ADCY5: variants seen among roughly 807,000 people sequenced by gnomAD.
The protein encoded by ADCY5 is adenylate cyclase 5.
A neutral mutation model predicts 119.7 loss-of-function variants in ADCY5; 30 were observed. That is an observed-to-expected ratio of 0.25 (90% CI 0.19 to 0.34). ADCY5 has a LOEUF of 0.34. Ranked by LOEUF, ADCY5 falls within the 10% of genes least tolerant of loss-of-function variation. The pLI is 1.00. For synonymous variants in ADCY5, 753 were observed against 762.2 expected, an observed-to-expected ratio of 0.99 and a Z score of 0.20; for missense variants, 1,324 against 1,775.2, an observed-to-expected ratio of 0.75 and a Z score of 4.57.
chr3:123,315,799 G>T (rs1203310407), intron 11 of ADCY5, among the ~76,000 whole-genome samples: 1 of 152,150 alleles, frequency 6.6e-6, no homozygotes, highest in Admixed American at 6.5e-5. Flanking sequence ...TGGCCAGGCT[G>T]GTCTTGAACT....
intron 1 of ADCY5, among the ~76,000 whole-genome samples, chr3:123,396,569 G>T: frequency 9.2e-6 from 1 of 108,620 alleles, no homozygotes; most frequent in Non-Finnish European, 1.8e-5. Flanking sequence ...AGAAAGAAAG[G>T]AAGAAAAAGA....
At chr3:123,399,703 T>A (rs1224781466) in intron 1 of ADCY5, among the ~76,000 whole-genome samples, 4 of 152,232 alleles carry the variant, frequency 2.6e-5, no homozygotes, top group African/African-American at 9.6e-5. Flanking sequence ...AACAAACTGG[T>A]ATTACCAGTT....
chr3:123,363,318 T>C (rs1014373635), intron 1 of ADCY5, among the ~76,000 whole-genome samples: 1 of 152,150 alleles, frequency 6.6e-6, no homozygotes, highest in Non-Finnish European at 1.5e-5. Flanking sequence ...CCTATTTAAA[T>C]AGCAAAGCTT....
At chr3:123,444,362 AG>A (rs1223693910) in intron 1 of ADCY5, among the ~76,000 whole-genome samples, 1 of 152,190 alleles carries the variant, frequency 6.6e-6, no homozygotes, top group Non-Finnish European at 1.5e-5. Flanking sequence ...GCCTGCAGGA[AG>A]GCAGCAGAGA....
At position 123,448,157 on chromosome 3, in the gene ADCY5, G is replaced by T; in HGVS notation, c.389C>A (p.Ala130Glu). 2 of 1,058,818 alleles carry T rather than the reference G, an allele frequency of 1.9e-6. No homozygotes were observed. Among genetic ancestry groups the T allele is most frequent in the South Asian group, 8.7e-5 (2 of 22,904 alleles). 65.6% of individuals were successfully genotyped at this position (1,058,818 alleles called of 1,614,324 possible). A position where few individuals can be genotyped will look rare whatever the true frequency, so the allele number is the denominator to read the frequency against. Reference sequence around the variant, plus strand: ...GCCGCCGCCGCCGCCCGCAGGGGGCGCCCGGGTGCTGCCCCCGCTGGCCGC... The same window carrying T: ...GCCGCCGCCGCCGCCCGCAGGGGGCTCCCGGGTGCTGCCCCCGCTGGCCGC... ...RGAASGGSTR[A>E]PPAGGGGGSA... Residue 130 changes from alanine to glutamate, a missense_variant, in exon 1 of 21, where the codon GCG becomes GAG. Ala to Glu is a moderately radical substitution (Grantham distance 107, BLOSUM62 -1). Around this residue, in one of 6 missense-constraint regions of ADCY5, gnomAD observed 585 missense variants for 569.9 expected, o/e 1.03. Transcript: ENST00000462833.
intron 1 of ADCY5, among the ~76,000 whole-genome samples, chr3:123,445,362 C>A (rs187870360): frequency 3.7e-4 from 56 of 150,584 alleles, no homozygotes; most frequent in African/African-American, 1.2e-3. Context: ...CTCAGCACCC[C>A]TTTCCTGGGA....
At chr3:123,360,876 G>GT (rs886403430) in intron 1 of ADCY5, among the ~76,000 whole-genome samples, 85 of 152,278 alleles carry the variant, frequency 5.6e-4, no homozygotes, top group African/African-American at 2.0e-3. Context: ...TCAAATCCCT[G>GT]TAAGATAAGC....
intron 1 of ADCY5, among the ~76,000 whole-genome samples, chr3:123,401,473 T>C (rs1185502049): frequency 6.6e-6 from 1 of 152,134 alleles, no homozygotes; most frequent in Non-Finnish European, 1.5e-5. Context: ...AAAACAAGCA[T>C]CTGTCTGACC....
At chr3:123,356,906 C>T (rs1207284413) in intron 1 of ADCY5, among the ~76,000 whole-genome samples, 2 of 151,768 alleles carry the variant, frequency 1.3e-5, no homozygotes, top group African/African-American at 4.8e-5. Flanking sequence ...TGCATAAATA[C>T]TCAGCTATAA....
chr3:123,440,038 C>T (rs927335715), intron 1 of ADCY5, among the ~76,000 whole-genome samples: 2 of 152,234 alleles, frequency 1.3e-5, no homozygotes, highest in African/African-American at 4.8e-5. Context: ...CGAGCTGCGT[C>T]GCTTCCTTCT....
intron 1 of ADCY5, among the ~76,000 whole-genome samples, chr3:123,442,315 G>A (rs1007577659): frequency 1.3e-5 from 2 of 152,184 alleles, no homozygotes; most frequent in African/African-American, 4.8e-5. Flanking sequence ...GCGCCATCAC[G>A]GGAGGCTCCC....
At chr3:123,426,047 G>C (rs1193500558) in intron 1 of ADCY5, among the ~76,000 whole-genome samples, 3 of 152,126 alleles carry the variant, frequency 2.0e-5, no homozygotes, top group Non-Finnish European at 4.4e-5. Context: ...ATTTATTGAG[G>C]GCTTTGTACA....
intron 1 of ADCY5, among the ~76,000 whole-genome samples, chr3:123,369,591 G>A (rs1296692038): frequency 6.6e-6 from 1 of 152,198 alleles, no homozygotes; most frequent in Non-Finnish European, 1.5e-5. Context: ...CTGACCTTGA[G>A]CATATCACTA....
chr3:123,376,154 G>A (rs1347285187), intron 1 of ADCY5, among the ~76,000 whole-genome samples: 1 of 151,870 alleles, frequency 6.6e-6, no homozygotes, highest in African/African-American at 2.4e-5. Context: ...CAGTTTGGGG[G>A]CCCACAGAAT....
intron 15 of ADCY5, among the ~76,000 whole-genome samples, chr3:123,298,743 G>C (rs1419283218): frequency 6.6e-6 from 1 of 151,182 alleles, no homozygotes; most frequent in Non-Finnish European, 1.5e-5. Context: ...ATGAATGGGT[G>C]AACAAATGGA....
At chr3:123,339,725 C>T (rs1170759271) in intron 3 of ADCY5, among the ~76,000 whole-genome samples, 2 of 150,562 alleles carry the variant, frequency 1.3e-5, no homozygotes, top group East Asian at 3.9e-4. Flanking sequence ...CCCACCCACC[C>T]AAACCCCTCT....
At chr3:123,422,070 T>C (rs912451781) in intron 1 of ADCY5, among the ~76,000 whole-genome samples, 1 of 152,238 alleles carries the variant, frequency 6.6e-6, no homozygotes, top group Non-Finnish European at 1.5e-5. Flanking sequence ...TAGCTCATAA[T>C]AATGCAGTCT....
intron 16 of ADCY5, chr3:123,296,903 T>C: frequency 1.6e-6 from 2 of 1,283,454 alleles, no homozygotes; most frequent in Non-Finnish European, 2.1e-6. Flanking sequence ...GCACAGAGGC[T>C]CCAGTGACCC....
At chr3:123,366,245 G>A (rs868802812) in intron 1 of ADCY5, among the ~76,000 whole-genome samples, 3 of 152,222 alleles carry the variant, frequency 2.0e-5, no homozygotes, top group Non-Finnish European at 4.4e-5. Context: ...GTTGTACAAA[G>A]GGGAGGCAGG....
Sources: gnomAD v4.1 joint callset for allele counts (sites outside exome capture counted in the v4.1 genomes callset) on GRCh38, gnomAD v4.1.1 for gene constraint, gnomAD v4.1.1 regional missense constraint, MANE v1.5 for transcripts, NCBI Gene and HGNC (gene_info 2026-07-23, HGNC 2026-07-21) for gene names.